The following KCMF1 variants were observed in gnomAD, a reference collection of about 807,000 sequenced individuals.
KCMF1 encodes the protein E3 ubiquitin-protein ligase KCMF1.
KCMF1 carries 3 observed loss-of-function variants against 41.1 expected under a neutral mutation model. That is an observed-to-expected ratio of 0.07 (90% CI 0.03 to 0.19). KCMF1 has a LOEUF of 0.19. Among genes scored for constraint, KCMF1 ranks in the 10% least tolerant of loss-of-function variants. The pLI, the probability that KCMF1 is intolerant of heterozygous loss-of-function variation, is 1.00. For missense variants in KCMF1, 286 were observed against 488.9 expected (o/e 0.58, Z 3.91); for synonymous variants, 142 against 164.5 (o/e 0.86, Z 1.04).
chr2:85,056,114 A>T lies in KCMF1; in HGVS notation c.*2705A>T, dbSNP rs560208646. Reference sequence around the variant, plus strand: ...TGTATTTATATTGCATTGTTTTGTTAAAAAAAAAAAAATCCACAGAAGTAG... The same window carrying T: ...TGTATTTATATTGCATTGTTTTGTTTAAAAAAAAAAAATCCACAGAAGTAG... On this transcript the variant is annotated 3_prime_UTR_variant, in exon 7 of 7. Transcript: ENST00000409785. 77 of 107,744 alleles carry T rather than the reference A, an allele frequency of 7.1e-4. No homozygotes were observed. The highest frequency in any genetic ancestry group is 3.0e-3 in the African/African-American group (69 of 22,802). The allele number at this position is 107,744 out of a possible 1,614,324, so 6.7% of individuals were successfully genotyped here. A position where few individuals can be genotyped will look rare whatever the true frequency, so the allele number is the denominator to read the frequency against.
At chr2:85,035,604 G>A (rs1231412235) in intron 3 of KCMF1, among the ~76,000 whole-genome samples, 1 of 152,148 alleles carries the variant, frequency 6.6e-6, no homozygotes, top group Non-Finnish European at 1.5e-5. Context: ...GATCTTACCT[G>A]GTTTTCATCA....
chr2:85,008,608 T>G (rs940210106), intron 1 of KCMF1, among the ~76,000 whole-genome samples: 23 of 151,234 alleles, frequency 1.5e-4, no homozygotes, highest in Non-Finnish European at 3.1e-4. Context: ...CGACACTTGT[T>G]TACAAAATGA....
rs189520073 is a variant in KCMF1, at chr2:84,991,037, T to C, written c.16+19570T>C. Among the ~76,000 whole-genome samples, 106 of 152,224 alleles carry C rather than the reference T, an allele frequency of 7.0e-4. 1 individual carries two copies. The highest frequency in any genetic ancestry group is 2.7e-3 in the East Asian group (14 of 5,166). ...CGAGAGTAGAAGGCAAGACTCCTAA[T>C]TGGGAGGCTGCTTTAGTCAGAAGAT... On this transcript the variant is annotated intron_variant, in intron 1 of 6. Transcript: ENST00000409785.
chr2:85,003,882 G>A (rs1674399177), intron 1 of KCMF1, among the ~76,000 whole-genome samples: 1 of 152,150 alleles, frequency 6.6e-6, no homozygotes, highest in African/African-American at 2.4e-5. Context: ...TTAGCATAGG[G>A]TAAAGGCCCT....
chr2:85,003,253 A>C lies in KCMF1; in HGVS notation c.17-24636A>C, dbSNP rs532240180. ...CTTTGGGAGGCCAAGGCGGGCAGATAACGAGGTCAGGAGATTGAGACCATT... is the reference window on the plus strand; with the variant it reads ...CTTTGGGAGGCCAAGGCGGGCAGATCACGAGGTCAGGAGATTGAGACCATT... On this transcript the variant is annotated intron_variant, in intron 1 of 6. Transcript: ENST00000409785. 8.5e-5 allele frequency among the ~76,000 whole-genome samples: 13 copies of C among 152,124 alleles called. No homozygotes were observed. The South Asian group carries it at 1.5e-3, about 17-fold the overall frequency.
At chr2:84,992,841 C>T (rs950112173) in intron 1 of KCMF1, among the ~76,000 whole-genome samples, 8 of 152,048 alleles carry the variant, frequency 5.3e-5, no homozygotes, top group East Asian at 1.9e-4. Context: ...AGGATGGTCT[C>T]GATCTCCTGA....
At position 85,058,630 on chromosome 2, in the gene KCMF1, A is replaced by G. The variant is rs1386930845; in HGVS notation, c.*5221A>G. 1.3e-5 allele frequency: 2 copies of G among 152,206 alleles called. No individual in the cohort carries two copies. Among genetic ancestry groups the G allele is most frequent in the African/African-American group, 4.8e-5 (2 of 41,446 alleles). The allele number at this position is 152,206 out of a possible 1,614,324, so 9.4% of individuals were successfully genotyped here. A position where few individuals can be genotyped will look rare whatever the true frequency, so the allele number is the denominator to read the frequency against. Reference sequence around the variant, plus strand: ...CTTTTTGAGTTCCCAGTAGGTACGAAGCTTTGTCTAAACATTATTTACCAA... The same window carrying G: ...CTTTTTGAGTTCCCAGTAGGTACGAGGCTTTGTCTAAACATTATTTACCAA... On this transcript the variant is annotated 3_prime_UTR_variant, in exon 7 of 7. Transcript: ENST00000409785.
chr2:85,008,305 A>ATGATAT (rs1674536506), intron 1 of KCMF1, among the ~76,000 whole-genome samples: 1 of 9,034 alleles, frequency 1.1e-4, no homozygotes, highest in Non-Finnish European at 3.2e-4. Context: ...TATAATATAT[A>ATGATAT]ATATGATATA....
intron 1 of KCMF1, among the ~76,000 whole-genome samples, chr2:85,000,750 G>A (rs1674305340): frequency 6.6e-6 from 1 of 150,590 alleles, no homozygotes; most frequent in Non-Finnish European, 1.5e-5. Flanking sequence ...AATTGAATTA[G>A]GTATTATGCT....
Position 85,059,157 on chromosome 2 carries a change from G to A in KCMF1, c.*5748G>A, listed in dbSNP as rs57993789. Reference sequence around the variant, plus strand: ...CTTGAATCCATTTAATTTTGCCCACGAGAACCTTTCATGACAATTAACAAG... The same window carrying A: ...CTTGAATCCATTTAATTTTGCCCACAAGAACCTTTCATGACAATTAACAAG... On this transcript the variant is annotated 3_prime_UTR_variant, in exon 7 of 7. Transcript: ENST00000409785. 3.5e-4 allele frequency: 54 copies of A among 152,154 alleles called. No individual in the cohort carries two copies. Among genetic ancestry groups the A allele is most frequent in the African/African-American group, 1.1e-3 (47 of 41,520 alleles). 9.4% of individuals were successfully genotyped at this position (152,154 alleles called of 1,614,324 possible).
intron 1 of KCMF1, among the ~76,000 whole-genome samples, chr2:85,015,947 A>G (rs1425424425): frequency 1.3e-5 from 2 of 152,224 alleles, no homozygotes; most frequent in Non-Finnish European, 2.9e-5. Context: ...ATCTTGGCAT[A>G]TAATAAATAA....
At chr2:85,029,843 A>G (rs1028436282) in intron 2 of KCMF1, among the ~76,000 whole-genome samples, 1 of 151,704 alleles carries the variant, frequency 6.6e-6, no homozygotes, top group African/African-American at 2.4e-5. Context: ...CACCATGCCC[A>G]GAAAATTTTT....
intron 1 of KCMF1, among the ~76,000 whole-genome samples, chr2:84,976,482 C>T (rs1323018246): frequency 2.6e-5 from 4 of 151,842 alleles, no homozygotes; most frequent in African/African-American, 9.7e-5. Context: ...CTGGGATTAC[C>T]GGTATGAGCC....
intron 2 of KCMF1, 135 bp from the exon 3 acceptor site, chr2:85,034,881 C>T: frequency 1.5e-6 from 1 of 676,414 alleles, no homozygotes; most frequent in Non-Finnish European, 2.4e-6. Flanking sequence ...CTTGTCCTCC[C>T]AACGTGCTGG....
intron 1 of KCMF1, among the ~76,000 whole-genome samples, chr2:84,976,734 T>C (rs1673555121): frequency 6.6e-6 from 1 of 151,996 alleles, no homozygotes; most frequent in Non-Finnish European, 1.5e-5. Flanking sequence ...CATGTAAAAA[T>C]GATAGTGGAT....
chr2:84,990,137 A>G (rs1002253497), intron 1 of KCMF1, among the ~76,000 whole-genome samples: 2 of 152,322 alleles, frequency 1.3e-5, no homozygotes, highest in South Asian at 4.1e-4. Context: ...TGGAATAGGG[A>G]AGGTTGTGGA....
At chr2:85,008,282 G>GATATATC (rs1674530047) in intron 1 of KCMF1, among the ~76,000 whole-genome samples, 20 of 75,822 alleles carry the variant, frequency 2.6e-4, no homozygotes, top group South Asian at 1.3e-3. Context: ...TATATAATAT[G>GATATATC]ATATATAATA....
chr2:85,023,466 C>T (rs987764450), intron 1 of KCMF1, among the ~76,000 whole-genome samples: 3 of 151,700 alleles, frequency 2.0e-5, no homozygotes, highest in Non-Finnish European at 4.4e-5. Flanking sequence ...CTACAGGCGC[C>T]CGCCACCACG....
At chr2:85,033,869 A>C (rs1273185599) in intron 2 of KCMF1, among the ~76,000 whole-genome samples, 1 of 152,130 alleles carries the variant, frequency 6.6e-6, no homozygotes, top group Non-Finnish European at 1.5e-5. Flanking sequence ...TTAGTTTTCC[A>C]GTAACCCAGT....
Sources: gnomAD v4.1 joint callset for allele counts (sites outside exome capture counted in the v4.1 genomes callset) on GRCh38, gnomAD v4.1.1 for gene constraint, MANE v1.5 for transcripts, NCBI Gene and HGNC (gene_info 2026-07-23, HGNC 2026-07-21) for gene names.